The following KCTD10 variants were observed in gnomAD, a reference collection of about 807,000 sequenced individuals.
The protein encoded by KCTD10 is potassium channel tetramerization domain containing 10.
A neutral mutation model predicts 34.6 loss-of-function variants in KCTD10; 13 were observed. That is an observed-to-expected ratio of 0.38 (90% CI 0.24 to 0.60). The LOEUF is 0.60. Ranked by LOEUF, KCTD10 falls within the 20% of genes least tolerant of loss-of-function variation. The pLI is 0.66. For missense variants in KCTD10, 256 were observed against 420.3 expected (o/e 0.61, Z 3.42); for synonymous variants, 156 against 168.8 (o/e 0.92, Z 0.59).
intron 1 of KCTD10, 135 bp from the exon 2 acceptor site, chr12:109,469,863 G>A: frequency 7.0e-7 from 1 of 1,434,762 alleles, no homozygotes; most frequent in Non-Finnish European, 9.2e-7. Context: ...CTTCCAATGT[G>A]GACAACTAAG....
chr12:109,461,889 G>A (rs920938448), intron 2 of KCTD10, among the ~76,000 whole-genome samples: 8 of 152,212 alleles, frequency 5.3e-5, no homozygotes, highest in Non-Finnish European at 2.9e-5. Flanking sequence ...GCCGTGAGAA[G>A]GCTTCAGTAG....
In KCTD10 at chr12:109,451,655, G is replaced by C; in HGVS notation, c.882C>G (p.Ile294Met). The part of the protein sequence containing the change: ...HLDEDEERER[I>M]ERVRRIHIKR... ...TGATGTGGATCCTCCGCACGCGCTC[G>C]ATCCGCTCCCGCTCCTCGTCCTCGT... The change falls in exon 7 of 7, where the codon ATC becomes ATG. Residue 294 changes from isoleucine to methionine, a missense_variant. Coordinates refer to ENST00000228495, the MANE Select transcript of KCTD10 (RefSeq NM_031954.5). This position sits in a 1 kb window ranked among gnomAD's most constrained non-coding sequence, Gnocchi z 5.0. 1.2e-6 allele frequency: 2 copies of C among 1,613,134 alleles called. No homozygotes were observed. Among genetic ancestry groups the C allele is most frequent in the Non-Finnish European group, 1.7e-6 (2 of 1,179,820 alleles).
Position 109,451,697 on chromosome 12 carries a change from C to G in KCTD10, c.840G>C (p.Gly280=), listed in dbSNP as rs780935876. The stretch of plus-strand genomic sequence containing the variant: ...CGTCCTCGTCCAGGTGGTGGGAGCG[C>G]CCCGCCGCCCCGCCTGTGGCCTCCA... ...ALLEATGGAA[G]RSHHLDEDEE... is the part of the protein sequence containing the mutation. The change falls in exon 7 of 7, where the codon GGG becomes GGC. Residue 280 remains glycine, a synonymous_variant. Transcript: ENST00000228495. The surrounding 1 kb of genome is among the most constrained non-coding windows in gnomAD (Gnocchi z 5.0). 6.2e-7 allele frequency: 1 copy of G among 1,613,842 alleles called. No homozygotes were observed. Among genetic ancestry groups the G allele is most frequent in the South Asian group, 1.1e-5 (1 of 91,066 alleles).
chr12:109,451,549 A>T lies in KCTD10; in HGVS notation c.*46T>A. 3 of 1,546,768 alleles carry T rather than the reference A, an allele frequency of 1.9e-6. No homozygotes were observed. Among genetic ancestry groups the T allele is most frequent in the South Asian group, 1.2e-5 (1 of 85,200 alleles). ...GCACAGGATCTGGGTGTAGCACGGC[A>T]GGGAGTGGGGGCGGTGAGAGGAGGG... is the stretch of plus-strand genomic sequence containing the variant. On this transcript the variant is annotated 3_prime_UTR_variant, in exon 7 of 7. Coordinates refer to ENST00000228495, the MANE Select transcript of KCTD10 (RefSeq NM_031954.5). The surrounding 1 kb of genome is among the most constrained non-coding windows in gnomAD (Gnocchi z 5.0).
intron 2 of KCTD10, among the ~76,000 whole-genome samples, chr12:109,461,557 C>G (rs1044554023): frequency 6.6e-6 from 1 of 152,164 alleles, no homozygotes; most frequent in Non-Finnish European, 1.5e-5. Context: ...TGCTCAATGT[C>G]CTTTCTAATC....
chr12:109,451,393 T>C lies in KCTD10; in HGVS notation c.*202A>G, dbSNP rs1332372747. 3.3e-5 allele frequency: 18 copies of C among 543,392 alleles called. No homozygotes were observed. The highest frequency in any genetic ancestry group is 5.5e-5 in the Non-Finnish European group (17 of 311,478). 33.7% of individuals were successfully genotyped at this position (543,392 alleles called of 1,614,324 possible). A position where few individuals can be genotyped will look rare whatever the true frequency, so the allele number is the denominator to read the frequency against. On this transcript the variant is annotated 3_prime_UTR_variant, in exon 7 of 7. Transcript: ENST00000228495. The surrounding 1 kb of genome is among the most constrained non-coding windows in gnomAD (Gnocchi z 5.0). Reference sequence around the variant, plus strand: ...AAGTAGAGATCTTAGACACAGCTTGTTCAACGACAGGGGTCATACGCCTGG... The same window carrying C: ...AAGTAGAGATCTTAGACACAGCTTGCTCAACGACAGGGGTCATACGCCTGG...
At chr12:109,456,335 G>A (rs766715984) in intron 5 of KCTD10, 22 bp from the exon 6 acceptor site, 18 of 1,608,638 alleles carry the variant, frequency 1.1e-5, no homozygotes, top group Non-Finnish European at 1.5e-5. Flanking sequence ...CATTTGATAC[G>A]GTGACCACAA....
intron 5 of KCTD10, 72 bp downstream of exon 5, chr12:109,457,558 G>A (rs1873080907): frequency 7.4e-7 from 1 of 1,351,020 alleles, no homozygotes; most frequent in African/African-American, 1.4e-5. Context: ...GTACGAAGAA[G>A]AGCTGGGCCT....
intron 1 of KCTD10, chr12:109,470,249 A>G: frequency 4.1e-6 from 4 of 986,098 alleles, no homozygotes; most frequent in Non-Finnish European, 4.8e-6. Flanking sequence ...AGATGAAATA[A>G]GCTTTATGAA....
intron 3 of KCTD10, chr12:109,459,657 G>A (rs1873210433): frequency 6.6e-6 from 1 of 152,274 alleles, no homozygotes; most frequent in South Asian, 2.1e-4. Context: ...GCCTAAGCTT[G>A]GTGGGGGTAG....
chr12:109,457,939 C>A, intron 4 of KCTD10, 53 bp downstream of exon 4: 1 of 1,402,298 alleles, frequency 7.1e-7, no homozygotes, highest in Non-Finnish European at 1.0e-6. Flanking sequence ...TTCAGAAGAA[C>A]CTCCATCATT....
intron 2 of KCTD10, among the ~76,000 whole-genome samples, chr12:109,461,652 T>A (rs542823924): frequency 1.3e-5 from 2 of 152,174 alleles, no homozygotes; most frequent in South Asian, 4.2e-4. Flanking sequence ...CTGGGAGTGG[T>A]ATTTGTAGAA....
At chr12:109,473,379 T>TGTGTC (rs1187104473) in intron 1 of KCTD10, among the ~76,000 whole-genome samples, 3 of 152,158 alleles carry the variant, frequency 2.0e-5, no homozygotes, top group Non-Finnish European at 4.4e-5. Flanking sequence ...GCCAAAAGCC[T>TGTGTC]CACCTCCCTC....
chr12:109,474,103 C>T lies in KCTD10; in HGVS notation c.3+3157G>A, dbSNP rs146394622. ...GCTAATTTTGTATTTTTAGTACAGA[C>T]GGGATTTCTCCACATTGGTCAGGCT... On this transcript the variant is annotated intron_variant, in intron 1 of 6. Transcript: ENST00000228495. Among the ~76,000 whole-genome samples the T allele has an allele frequency of 4.0e-5, 6 of 151,632 alleles. No individual in the cohort carries two copies. The South Asian group carries it at 6.3e-4, about 16-fold the overall frequency.
At chr12:109,461,809 G>A (rs547013927) in intron 2 of KCTD10, among the ~76,000 whole-genome samples, 1 of 152,334 alleles carries the variant, frequency 6.6e-6, no homozygotes, top group East Asian at 1.9e-4. Flanking sequence ...GACAAGCAGG[G>A]TGACCTCAGG....
In KCTD10 at chr12:109,448,742, C is replaced by T. The variant is rs1462904141; in HGVS notation, c.*2853G>A. The T allele has an allele frequency of 6.6e-6, 1 of 152,128 alleles. No homozygotes were observed. Among genetic ancestry groups the T allele is most frequent in the African/African-American group, 2.4e-5 (1 of 41,414 alleles). 9.4% of individuals were successfully genotyped at this position (152,128 alleles called of 1,614,324 possible). A position where few individuals can be genotyped will look rare whatever the true frequency, so the allele number is the denominator to read the frequency against. On this transcript the variant is annotated 3_prime_UTR_variant, in exon 7 of 7. Coordinates refer to ENST00000228495, the MANE Select transcript of KCTD10 (RefSeq NM_031954.5). ...TAAAACTTTGAGCATTTTTTTATGG[C>T]GCAAAGAGACAGAAAGGTTAATGAC...
intron 5 of KCTD10, 51 bp from the exon 6 acceptor site, chr12:109,456,364 C>T: frequency 6.4e-7 from 1 of 1,558,614 alleles, no homozygotes. Context: ...AAACTGCCAT[C>T]ATTTGCTGGG....
At chr12:109,475,628 T>C (rs796529250) in intron 1 of KCTD10, among the ~76,000 whole-genome samples, 9 of 152,314 alleles carry the variant, frequency 5.9e-5, no homozygotes, top group African/African-American at 2.2e-4. Context: ...GGACCAGGGC[T>C]TACTGCCACC....
In KCTD10 at chr12:109,460,928, T is replaced by G; in HGVS notation, c.218-123A>C. ...GCGGAGAGCGGGACTGCCTGGAGAATGGCAGCCTCACCTGCCTACCTGCCC... is the reference window on the plus strand; with the variant it reads ...GCGGAGAGCGGGACTGCCTGGAGAAGGGCAGCCTCACCTGCCTACCTGCCC... On this transcript the variant is annotated intron_variant, in intron 2 of 6. Transcript: ENST00000228495. The surrounding 1 kb of genome is among the most constrained non-coding windows in gnomAD (Gnocchi z 4.5). 1 of 938,326 alleles carries G rather than the reference T, an allele frequency of 1.1e-6. No homozygotes were observed. The highest frequency in any genetic ancestry group is 1.6e-6 in the Non-Finnish European group (1 of 636,910). 58.1% of individuals were successfully genotyped at this position (938,326 alleles called of 1,614,324 possible).
Sources: allele counts gnomAD v4.1 joint callset (sites outside exome capture counted in the v4.1 genomes callset), GRCh38; gene constraint gnomAD v4.1.1; non-coding constraint Gnocchi (gnomAD v3.1); transcripts MANE v1.5; gene names NCBI Gene and HGNC (gene_info 2026-07-23, HGNC 2026-07-21).